CTTNBP2: variants seen among roughly 807,000 people sequenced by gnomAD.
The protein encoded by CTTNBP2 is cortactin-binding protein 2.
A neutral mutation model predicts 156.9 loss-of-function variants in CTTNBP2; 108 were observed. That is an observed-to-expected ratio of 0.69 (90% CI 0.59 to 0.81). The LOEUF (loss-of-function observed/expected upper bound fraction) is 0.81, where lower values mean the gene tolerates loss of function less well. CTTNBP2 is among the 30% of genes least tolerant of loss of function. The pLI is 0.00. For missense variants in CTTNBP2, 1,924 were observed against 2,035.4 expected, an observed-to-expected ratio of 0.95 and a Z score of 1.05; for synonymous variants, 767 against 751.8, an observed-to-expected ratio of 1.02 and a Z score of -0.33.
intron 1 of CTTNBP2, among the ~76,000 whole-genome samples, chr7:117,872,735 G>T (rs1354464116): frequency 6.6e-6 from 1 of 152,150 alleles, no homozygotes; most frequent in Non-Finnish European, 1.5e-5. Context: ...GCAGCAGGCT[G>T]CTAGGACCTA....
rs530919882 is a variant in CTTNBP2 at position 117,867,924 on chromosome 7, C to T, written c.81+5411G>A. ...CAAGGAAACAATGTCAGGAAGGAAA[C>T]CTGGTAATGGATGTAACTAATTTTA... On this transcript the variant is annotated intron_variant, in intron 1 of 22. Coordinates refer to ENST00000160373, the MANE Select transcript of CTTNBP2 (RefSeq NM_033427.3). Among the ~76,000 whole-genome samples, 4 of 152,186 alleles carry T rather than the reference C, an allele frequency of 2.6e-5. No homozygotes were observed. The South Asian group carries it at 6.2e-4, about 24-fold the overall frequency.
At chr7:117,719,969 C>T (rs969805002) in intron 20 of CTTNBP2, among the ~76,000 whole-genome samples, 2 of 152,142 alleles carry the variant, frequency 1.3e-5, no homozygotes, top group African/African-American at 4.8e-5. Flanking sequence ...TAAAATGGGA[C>T]AAACACGGAT....
chr7:117,741,156 G>A (rs1795995850), intron 14 of CTTNBP2, among the ~76,000 whole-genome samples: 2 of 152,156 alleles, frequency 1.3e-5, no homozygotes, highest in Admixed American at 1.3e-4. Context: ...AATATGAAAG[G>A]TTAATGATGA....
chr7:117,731,768 G>A (rs960927731), intron 16 of CTTNBP2, among the ~76,000 whole-genome samples: 7 of 152,214 alleles, frequency 4.6e-5, no homozygotes, highest in African/African-American at 1.7e-4. Flanking sequence ...CCCGGAGTTA[G>A]GTTTGGGGAC....
At chr7:117,738,482 A>T (rs1400160376) in intron 14 of CTTNBP2, among the ~76,000 whole-genome samples, 1 of 152,166 alleles carries the variant, frequency 6.6e-6, no homozygotes. Flanking sequence ...AAGGAAAGAG[A>T]TGATGGGAGC....
chr7:117,724,840 G>A (rs1795000961), intron 18 of CTTNBP2, 108 bp from the exon 19 acceptor site: 3 of 1,323,078 alleles, frequency 2.3e-6, no homozygotes, highest in Non-Finnish European at 3.1e-6. Context: ...CATTTATTTA[G>A]TATCCAAGCT....
chr7:117,725,347 G>A, intron 17 of CTTNBP2, 90 bp from the exon 18 acceptor site: 2 of 1,187,086 alleles, frequency 1.7e-6, no homozygotes, highest in Non-Finnish European at 2.5e-6. Context: ...AAGACTATGG[G>A]GAAAAAACGT....
chr7:117,755,530 T>C (rs1458403175), intron 12 of CTTNBP2: 3 of 470,338 alleles, frequency 6.4e-6, no homozygotes, highest in Non-Finnish European at 8.8e-6. Flanking sequence ...ACTTGCTAGA[T>C]GCATGACTTT....
chr7:117,854,067 C>A (rs1803100282), intron 2 of CTTNBP2, among the ~76,000 whole-genome samples: 1 of 152,168 alleles, frequency 6.6e-6, no homozygotes, highest in South Asian at 2.1e-4. Context: ...TAAAAATCAT[C>A]AGCTATTTGT....
intron 12 of CTTNBP2, among the ~76,000 whole-genome samples, chr7:117,752,154 A>G (rs918479490): frequency 6.6e-6 from 1 of 152,194 alleles, no homozygotes; most frequent in African/African-American, 2.4e-5. Context: ...GAATGTACGG[A>G]GAATAACTAG....
chr7:117,775,642 C>T (rs1445981094), intron 8 of CTTNBP2, among the ~76,000 whole-genome samples: 2 of 150,622 alleles, frequency 1.3e-5, no homozygotes, highest in Non-Finnish European at 3.0e-5. Flanking sequence ...TCATCAACAT[C>T]TCATATTACA....
chr7:117,711,877 C>T, intron 22 of CTTNBP2, 95 bp from the exon 23 acceptor site: 1 of 1,214,104 alleles, frequency 8.2e-7, no homozygotes, highest in Non-Finnish European at 1.1e-6. Flanking sequence ...ACAGGAGTTT[C>T]TCTCTAAAAC....
intron 10 of CTTNBP2, among the ~76,000 whole-genome samples, chr7:117,759,984 T>C (rs555367776): frequency 3.3e-4 from 50 of 152,316 alleles, no homozygotes; most frequent in African/African-American, 1.1e-3. Flanking sequence ...TGTGGGAGCA[T>C]TGAATATATC....
chr7:117,726,915 T>G (rs915086311), intron 17 of CTTNBP2, among the ~76,000 whole-genome samples: 1 of 152,144 alleles, frequency 6.6e-6, no homozygotes, highest in African/African-American at 2.4e-5. Context: ...GCAGGCTAAC[T>G]TGGTAGCTTG....
chr7:117,867,058 A>G (rs559482920), intron 1 of CTTNBP2, among the ~76,000 whole-genome samples: 4 of 152,366 alleles, frequency 2.6e-5, no homozygotes, highest in South Asian at 2.1e-4. Context: ...CTCTAGGTAC[A>G]TAAGAACATG....
At chr7:117,735,127 C>T (rs199595554) in intron 15 of CTTNBP2, 27 bp from the exon 16 acceptor site, 1 of 1,605,302 alleles carries the variant, frequency 6.2e-7, no homozygotes, top group Non-Finnish European at 8.5e-7. Flanking sequence ...AGCAATGGCC[C>T]ATCCTCAGTG....
intron 14 of CTTNBP2, among the ~76,000 whole-genome samples, chr7:117,739,674 C>T (rs973257979): frequency 3.3e-5 from 5 of 152,212 alleles, no homozygotes; most frequent in African/African-American, 1.2e-4. Flanking sequence ...AGGTGAGTGA[C>T]TCCAAGTCTA....
intron 2 of CTTNBP2, among the ~76,000 whole-genome samples, chr7:117,832,877 G>T (rs1337585036): frequency 6.6e-6 from 1 of 151,066 alleles, no homozygotes; most frequent in African/African-American, 2.4e-5. Context: ...CTCCTGAGTA[G>T]ATGAGATTAC....
chr7:117,725,719 G>A (rs371977578), intron 17 of CTTNBP2, among the ~76,000 whole-genome samples: 10 of 151,572 alleles, frequency 6.6e-5, no homozygotes, highest in East Asian at 3.9e-4. Context: ...AGACAGTCTC[G>A]CTCTGTCACC....
Sources: allele counts gnomAD v4.1 joint callset (sites outside exome capture counted in the v4.1 genomes callset), GRCh38; gene constraint gnomAD v4.1.1; transcripts MANE v1.5; gene names NCBI Gene and HGNC (gene_info 2026-07-23, HGNC 2026-07-21).